The following MMP12 variants were observed in gnomAD, a reference collection of about 807,000 sequenced individuals.
MMP12 encodes the protein macrophage metalloelastase.
MMP12 carries 51 observed loss-of-function variants against 45.2 expected under a neutral mutation model. That is an observed-to-expected ratio of 1.13 (90% CI 0.90 to 1.42). The LOEUF is 1.42. MMP12 is among the 40% of genes most tolerant of loss of function. The pLI, the probability that MMP12 is intolerant of heterozygous loss-of-function variation, is 0.00. For synonymous variants in MMP12, 210 were observed against 193.3 expected (o/e 1.09, Z -0.72); for missense variants, 530 against 570.8 (o/e 0.93, Z 0.73).
chr11:102,864,299 C>G (rs476391), intron 8 of MMP12, 47 bp from the exon 9 acceptor site: 84,641 of 1,326,854 alleles, frequency 0.064, 3,667 homozygotes, highest in African/African-American at 0.19. Flanking sequence ...AAGTGGCTTT[C>G]CTGACATGCA....
In MMP12 at chr11:102,866,435, T is replaced by A; in HGVS notation, c.925A>T (p.Lys309Ter). The change falls in exon 7 of 10, where the codon AAG (lysine) becomes TAG (stop). Residue 309 changes from lysine (K) to a stop codon, truncating the protein, a stop_gained. Coordinates refer to ENST00000571244, the MANE Select transcript of MMP12 (RefSeq NM_002426.6). LOFTEE classifies it high-confidence loss of function. ...FFFKDRFFWL[K>*]VSERPKTSVN... ...CTGGTCTTTGGTCTCTCAGAAACCT[T>A]CAGCCAGAAGAACCTGACATGAAAG... 6.2e-7 allele frequency: 1 copy of A among 1,610,790 alleles called. No homozygotes were observed. Among genetic ancestry groups the A allele is most frequent in the Non-Finnish European group, 8.5e-7 (1 of 1,178,652 alleles).
At chr11:102,868,360 T>C (rs902345438) in intron 4 of MMP12, among the ~76,000 whole-genome samples, 5 of 152,178 alleles carry the variant, frequency 3.3e-5, no homozygotes, top group Non-Finnish European at 7.3e-5. Context: ...AGATATCTCC[T>C]TGGGGACAAA....
In MMP12 at chr11:102,872,966, G is replaced by A; in HGVS notation, c.249C>T (p.Thr83=). The change falls in exon 2 of 10, where the codon ACC becomes ACT. Residue 83 remains threonine, a synonymous_variant. Coordinates refer to ENST00000571244, the MANE Select transcript of MMP12 (RefSeq NM_002426.6). Reference sequence around the variant, plus strand: ...ATCGAGGTGCGTGCATCATCTCCAGGGTAGATGTGTCCAGTTGCCCGGTCA... The same window carrying A: ...ATCGAGGTGCGTGCATCATCTCCAGAGTAGATGTGTCCAGTTGCCCGGTCA... ...LKVTGQLDTS[T]LEMMHAPRCG... is the part of the protein sequence containing the mutation. 1.2e-6 allele frequency: 2 copies of A among 1,613,650 alleles called. No individual in the cohort carries two copies. Among genetic ancestry groups the A allele is most frequent in the Non-Finnish European group, 1.7e-6 (2 of 1,179,764 alleles).
In MMP12 at chr11:102,872,881, G is replaced by A; in HGVS notation, c.334C>T (p.His112Tyr). 1.2e-6 allele frequency: 2 copies of A among 1,613,856 alleles called. No individual in the cohort carries two copies. Among genetic ancestry groups the A allele is most frequent in the Non-Finnish European group, 1.7e-6 (2 of 1,179,842 alleles). ...CAACGTTACCTGTAGGTGATATAAT[G>A]TTTCCTCCATACGGGCCCCCCTGGC... Reference protein sequence around the residue: ...EMPGGPVWRKHYITYRINNYT... With the variant: ...EMPGGPVWRKYYITYRINNYT... The change falls in exon 2 of 10, where the codon CAT becomes TAT. Residue 112 changes from histidine (H) to tyrosine (Y), a missense_variant. Transcript: ENST00000571244.
chr11:102,868,888 C>T (rs1393155744), intron 4 of MMP12, among the ~76,000 whole-genome samples: 1 of 152,128 alleles, frequency 6.6e-6, no homozygotes, highest in African/African-American at 2.4e-5. Flanking sequence ...ATTTGGACTA[C>T]CAAGTTACAG....
chr11:102,864,244 T>C lies in MMP12; in HGVS notation c.1214A>G (p.Glu405Gly). Residue 405 changes from glutamate (E) to glycine (G), a missense_variant, in exon 9 of 10, where the codon GAA becomes GGA. Transcript: ENST00000571244. ...FVDNQYWRYD[E>G]RRQMMDPGYP... The stretch of plus-strand genomic sequence containing the variant: ...ACCAGGGTCCATCATCTGTCTCCTT[T>C]CATCATACCTGAGCAAAGAAGTAAC... 1 of 1,612,272 alleles carries C rather than the reference T, an allele frequency of 6.2e-7. No homozygotes were observed. The highest frequency in any genetic ancestry group is 8.5e-7 in the Non-Finnish European group (1 of 1,178,470).
chr11:102,870,610 T>C (rs1859475960), intron 4 of MMP12, among the ~76,000 whole-genome samples: 1 of 152,188 alleles, frequency 6.6e-6, no homozygotes, highest in Admixed American at 6.5e-5. Flanking sequence ...TCTGTCATGA[T>C]GGTTAGGGTT....
Position 102,865,160 on chromosome 11 carries a change from G to A in MMP12, c.1205+616C>T, listed in dbSNP as rs979792333. ...TTAAGAATAAATAACAGTTGTAAAT[G>A]TAAGCTTAACATATATGTTATGTCT... is the stretch of plus-strand genomic sequence containing the variant. On this transcript the variant is annotated intron_variant, in intron 8 of 9. Transcript: ENST00000571244. The surrounding 1 kb of genome is among the most constrained non-coding windows in gnomAD (Gnocchi z 4.1). Among the ~76,000 whole-genome samples the A allele has an allele frequency of 2.6e-5, 4 of 152,226 alleles. No homozygotes were observed. The highest frequency in any genetic ancestry group is 7.2e-5 in the African/African-American group (3 of 41,460).
At chr11:102,869,990 T>C (rs948266856) in intron 4 of MMP12, among the ~76,000 whole-genome samples, 1 of 152,126 alleles carries the variant, frequency 6.6e-6, no homozygotes, top group Non-Finnish European at 1.5e-5. Context: ...GTTATAATTG[T>C]CATAAATAAC....
At chr11:102,869,431 C>T (rs1305476501) in intron 4 of MMP12, among the ~76,000 whole-genome samples, 1 of 152,056 alleles carries the variant, frequency 6.6e-6, no homozygotes, top group Non-Finnish European at 1.5e-5. Context: ...TATGAGCCAC[C>T]ACCACTGATC....
At chr11:102,874,061 A>G (rs556967210) in intron 1 of MMP12, among the ~76,000 whole-genome samples, 9 of 151,882 alleles carry the variant, frequency 5.9e-5, no homozygotes, top group Non-Finnish European at 1.2e-4. Flanking sequence ...AGAAAAGAAA[A>G]CAAAAGGATA....
chr11:102,864,765 T>A (rs565972049), intron 8 of MMP12, among the ~76,000 whole-genome samples: 15 of 152,370 alleles, frequency 9.8e-5, no homozygotes, highest in African/African-American at 3.6e-4. Context: ...AATTCTCTTT[T>A]ACCAGCAAGT....
intron 4 of MMP12, 86 bp downstream of exon 4, chr11:102,871,508 C>A: frequency 1.3e-6 from 2 of 1,488,388 alleles, no homozygotes; most frequent in Non-Finnish European, 1.8e-6. Flanking sequence ...CTCTCGAAAC[C>A]AGAATTTTGA....
chr11:102,874,747 AC>A (rs1390455653), intron 1 of MMP12, 88 bp downstream of exon 1: 1 of 880,052 alleles, frequency 1.1e-6, no homozygotes, highest in Non-Finnish European at 1.8e-6. Context: ...AAGCAAACAA[AC>A]AAACAAACAA....
At chr11:102,873,255 T>C in intron 1 of MMP12, 143 bp from the exon 2 acceptor site, 1 of 768,462 alleles carries the variant, frequency 1.3e-6, no homozygotes, top group South Asian at 1.9e-5. Context: ...ATTATTGTTT[T>C]TTGGACAATT....
chr11:102,873,143 A>G (rs1859533061), intron 1 of MMP12, 31 bp from the exon 2 acceptor site: 1 of 1,591,224 alleles, frequency 6.3e-7, no homozygotes, highest in East Asian at 2.2e-5. Flanking sequence ...AGCAATGTGT[A>G]AGTACACACA....
At chr11:102,864,088 G>T in intron 9 of MMP12, 58 bp downstream of exon 9, 1 of 1,290,416 alleles carries the variant, frequency 7.7e-7, no homozygotes, top group African/African-American at 1.5e-5. Context: ...TAATCTTAGA[G>T]GATTTATAGC....
chr11:102,863,448 A>C (rs1859328242), intron 9 of MMP12, among the ~76,000 whole-genome samples: 1 of 152,094 alleles, frequency 6.6e-6, no homozygotes, highest in Non-Finnish European at 1.5e-5. Flanking sequence ...ACAAATAAAA[A>C]ATAAGATGAG....
chr11:102,863,531 T>A (rs527434534), intron 9 of MMP12, among the ~76,000 whole-genome samples: 1 of 152,276 alleles, frequency 6.6e-6, no homozygotes, highest in African/African-American at 2.4e-5. Flanking sequence ...CAGCCAGTCA[T>A]ACTCCAAGTG....
Sources: allele counts gnomAD v4.1 joint callset (sites outside exome capture counted in the v4.1 genomes callset), GRCh38; gene constraint gnomAD v4.1.1; non-coding constraint Gnocchi (gnomAD v3.1); transcripts MANE v1.5; gene names NCBI Gene and HGNC (gene_info 2026-07-23, HGNC 2026-07-21).